Variants in SLCO6A1 observed in about 807,000 individuals in gnomAD.
SLCO6A1 encodes cancer/testis antigen 48.
A neutral mutation model predicts 72.7 loss-of-function variants in SLCO6A1; 65 were observed. The ratio of observed to expected loss-of-function variants is 0.89; its 90% CI spans 0.73 to 1.10. The LOEUF (loss-of-function observed/expected upper bound fraction) is 1.10, where lower values mean the gene tolerates loss of function less well. Ranked by LOEUF, SLCO6A1 falls within the 50% of genes least tolerant of loss-of-function variation. The pLI, the probability that SLCO6A1 is intolerant of heterozygous loss-of-function variation, is 0.00. For missense variants in SLCO6A1, 874 were observed against 872.6 expected, an observed-to-expected ratio of 1.00 and a Z score of -0.02; for synonymous variants, 314 against 298.2, an observed-to-expected ratio of 1.05 and a Z score of -0.55.
chr5:102,401,741 A>G (rs1747409948), intron 9 of SLCO6A1, among the ~76,000 whole-genome samples: 1 of 152,116 alleles, frequency 6.6e-6, no homozygotes. Context: ...CAGCTCAGGG[A>G]AAGAACCAAG....
rs1745609395 is a variant in SLCO6A1, at chr5:102,373,596, T to C, written c.2018-102A>G. On this transcript the variant is annotated intron_variant, in intron 12 of 13. Transcript: ENST00000506729. ...AAGAAAGGTAAGCATATTTCACCTA[T>C]AAAGGTATAAATTTCCCAATTTTAG... 1.2e-5 allele frequency: 9 copies of C among 765,956 alleles called. No homozygotes were observed. In the Admixed American group the frequency reaches 2.9e-4, roughly 25 times the overall value. The allele number at this position is 765,956 out of a possible 1,614,324, so 47.4% of individuals were successfully genotyped here. A position where few individuals can be genotyped will look rare whatever the true frequency, so the allele number is the denominator to read the frequency against.
chr5:102,414,238 T>C (rs1748147249), intron 8 of SLCO6A1, among the ~76,000 whole-genome samples: 1 of 152,174 alleles, frequency 6.6e-6, no homozygotes, highest in African/African-American at 2.4e-5. Context: ...GAACTAATTA[T>C]TTTATATGGT....
intron 3 of SLCO6A1, among the ~76,000 whole-genome samples, chr5:102,477,212 C>G (rs1343772457): frequency 6.6e-6 from 1 of 152,084 alleles, no homozygotes; most frequent in African/African-American, 2.4e-5. Flanking sequence ...ATCTCTGCCT[C>G]CTGGGTTTAA....
At chr5:102,464,106 G>A (rs1342479463) in intron 4 of SLCO6A1, among the ~76,000 whole-genome samples, 2 of 151,898 alleles carry the variant, frequency 1.3e-5, no homozygotes, top group Non-Finnish European at 2.9e-5. Flanking sequence ...CTTCTCAGGT[G>A]GTGGGTGCAC....
chr5:102,425,745 T>C (rs777767958), intron 7 of SLCO6A1, among the ~76,000 whole-genome samples: 3 of 152,172 alleles, frequency 2.0e-5, no homozygotes, highest in Non-Finnish European at 4.4e-5. Context: ...CCATTGACTT[T>C]ATCCACAGAA....
intron 3 of SLCO6A1, among the ~76,000 whole-genome samples, chr5:102,476,294 C>A (rs576454367): frequency 5.3e-5 from 8 of 152,200 alleles, no homozygotes; most frequent in Non-Finnish European, 5.9e-5. Flanking sequence ...AAGGAATTGG[C>A]TCATACAAAA....
At chr5:102,489,578 G>A (rs921343229) in intron 1 of SLCO6A1, among the ~76,000 whole-genome samples, 1 of 152,068 alleles carries the variant, frequency 6.6e-6, no homozygotes. Context: ...TACAATGGCT[G>A]TTATCAAAAA....
chr5:102,422,305 G>A (rs910758000), intron 7 of SLCO6A1, among the ~76,000 whole-genome samples: 10 of 152,164 alleles, frequency 6.6e-5, no homozygotes, highest in Non-Finnish European at 2.9e-5. Context: ...GCTTCAGAAG[G>A]TGGGTAATAA....
chr5:102,428,489 C>A (rs1749037522), intron 7 of SLCO6A1, among the ~76,000 whole-genome samples: 1 of 152,070 alleles, frequency 6.6e-6, no homozygotes, highest in South Asian at 2.1e-4. Flanking sequence ...ATTGTATAAG[C>A]TGCTAGAGGA....
intron 2 of SLCO6A1, 40 bp from the exon 3 acceptor site, chr5:102,477,901 TCAAACATAAAA>T: frequency 1.3e-6 from 2 of 1,527,662 alleles, no homozygotes; most frequent in Non-Finnish European, 1.8e-6. Context: ...TTAATTGAAC[TCAAACATAAAA>T]CAAATGTGCA....
intron 4 of SLCO6A1, among the ~76,000 whole-genome samples, chr5:102,467,033 C>G (rs554919357): frequency 6.6e-6 from 1 of 151,936 alleles, no homozygotes; most frequent in Non-Finnish European, 1.5e-5. Context: ...AGATCTCAAT[C>G]GTCAATTTTT....
intron 6 of SLCO6A1, among the ~76,000 whole-genome samples, chr5:102,450,816 G>T (rs1289965745): frequency 6.6e-6 from 1 of 152,218 alleles, no homozygotes; most frequent in Non-Finnish European, 1.5e-5. Context: ...TGAGCAGGGG[G>T]CTCACAGGCA....
chr5:102,485,183 G>A (rs935490382), intron 1 of SLCO6A1, among the ~76,000 whole-genome samples: 29 of 151,998 alleles, frequency 1.9e-4, no homozygotes, highest in Non-Finnish European at 3.2e-4. Context: ...CCTGGGAGGC[G>A]GAGGTTGTGG....
Position 102,411,023 on chromosome 5 carries a change from T to A in SLCO6A1, c.1626+1967A>T, listed in dbSNP as rs545480910. Among the ~76,000 whole-genome samples, 316 of 152,272 alleles carry A rather than the reference T, an allele frequency of 2.1e-3. 2 individuals are homozygous for A. The highest frequency in any genetic ancestry group is 7.2e-3 in the African/African-American group (300 of 41,554). ...TGAAAGGTGACCAAAAGGATAGTAT[T>A]CGTCAATCTCTAGGTGTGGAAAAGA... On this transcript the variant is annotated intron_variant, in intron 9 of 13. Coordinates refer to ENST00000506729, the MANE Select transcript of SLCO6A1 (RefSeq NM_173488.5).
intron 6 of SLCO6A1, among the ~76,000 whole-genome samples, chr5:102,450,465 G>A (rs976210981): frequency 7.2e-5 from 11 of 152,208 alleles, no homozygotes; most frequent in Non-Finnish European, 1.2e-4. Flanking sequence ...TGGCCAGTAG[G>A]TGGGCTCTTG....
chr5:102,416,209 C>T (rs1748275882), intron 8 of SLCO6A1, among the ~76,000 whole-genome samples: 1 of 151,908 alleles, frequency 6.6e-6, no homozygotes, highest in Non-Finnish European at 1.5e-5. Flanking sequence ...TATTGGGTAT[C>T]TAACCAGAGA....
chr5:102,395,686 A>C (rs1406136061), intron 10 of SLCO6A1, among the ~76,000 whole-genome samples: 1 of 152,120 alleles, frequency 6.6e-6, no homozygotes, highest in Non-Finnish European at 1.5e-5. Context: ...ATTTCTCCAC[A>C]TTCTCTCCAG....
At chr5:102,391,200 G>A in intron 10 of SLCO6A1, 155 bp from the exon 11 acceptor site, 1 of 648,982 alleles carries the variant, frequency 1.5e-6, no homozygotes, top group Non-Finnish European at 2.7e-6. Flanking sequence ...CCTGTTAAAG[G>A]ACTACAACTC....
At chr5:102,451,893 T>G (rs1750437010) in intron 6 of SLCO6A1, among the ~76,000 whole-genome samples, 1 of 152,222 alleles carries the variant, frequency 6.6e-6, no homozygotes, top group Non-Finnish European at 1.5e-5. Context: ...TCTAATATAG[T>G]TTTGAAAATT....
Sources: allele counts gnomAD v4.1 joint callset (sites outside exome capture counted in the v4.1 genomes callset), GRCh38; gene constraint gnomAD v4.1.1; transcripts MANE v1.5; gene names NCBI Gene and HGNC (gene_info 2026-07-23, HGNC 2026-07-21).